PARD3B: variants seen among roughly 807,000 people sequenced by gnomAD.
PARD3B encodes the protein partitioning defective 3 homolog B.
A neutral mutation model predicts 130.2 loss-of-function variants in PARD3B; 103 were observed. The ratio of observed to expected loss-of-function variants is 0.79; its 90% CI spans 0.67 to 0.93. The LOEUF is 0.93. Among genes scored for constraint, PARD3B ranks in the 40% least tolerant of loss-of-function variants. The pLI, the probability that PARD3B is intolerant of heterozygous loss-of-function variation, is 0.00. For synonymous variants in PARD3B, 583 were observed against 553.2 expected (o/e 1.05, Z -0.76); for missense variants, 1,609 against 1,499.2 (o/e 1.07, Z -1.21).
At chr2:204,904,563 A>C (rs1305120624) in intron 2 of PARD3B, among the ~76,000 whole-genome samples, 1 of 152,192 alleles carries the variant, frequency 6.6e-6, no homozygotes, top group Non-Finnish European at 1.5e-5. Flanking sequence ...ATTAAAAATG[A>C]AAAAAATTAA....
chr2:205,612,622 A>G (rs1302095439), intron 22 of PARD3B, among the ~76,000 whole-genome samples: 1 of 152,186 alleles, frequency 6.6e-6, no homozygotes, highest in African/African-American at 2.4e-5. Flanking sequence ...AACCTTAAAC[A>G]GTGTTTTAGT....
intron 3 of PARD3B, among the ~76,000 whole-genome samples, chr2:205,017,172 G>C (rs561348751): frequency 6.6e-6 from 1 of 152,008 alleles, no homozygotes; most frequent in Non-Finnish European, 1.5e-5. Flanking sequence ...GTGAAGGAGT[G>C]TCTGGCCTGT....
chr2:205,214,529 C>T (rs1361108912), intron 15 of PARD3B, among the ~76,000 whole-genome samples: 1 of 151,336 alleles, frequency 6.6e-6, no homozygotes, highest in Non-Finnish European at 1.5e-5. Context: ...AGACAATTGA[C>T]TCAAAATAAA....
chr2:205,446,764 A>G lies in PARD3B; in HGVS notation c.3044+6092A>G, dbSNP rs1012745952. Among the ~76,000 whole-genome samples the G allele has an allele frequency of 6.6e-6, 1 of 152,210 alleles. No homozygotes were observed. Among genetic ancestry groups the G allele is most frequent in the Non-Finnish European group, 1.5e-5 (1 of 68,032 alleles). ...GGTTCTTCCAGGATTTGAACGTAGC[A>G]TGGGTTAAATCCTGCCCTCAAAGCC... On this transcript the variant is annotated intron_variant, in intron 20 of 22. Transcript: ENST00000406610. This position sits in a 1 kb window ranked among gnomAD's most constrained non-coding sequence, Gnocchi z 4.4.
At chr2:204,561,505 G>C (rs970843431) in intron 1 of PARD3B, among the ~76,000 whole-genome samples, 1 of 152,084 alleles carries the variant, frequency 6.6e-6, no homozygotes, top group Non-Finnish European at 1.5e-5. Flanking sequence ...AAGAGGGTGG[G>C]CAGCTCCATT....
At chr2:205,542,175 T>TAAAAAAAA (rs2052176207) in intron 21 of PARD3B, among the ~76,000 whole-genome samples, 1 of 93,394 alleles carries the variant, frequency 1.1e-5, no homozygotes, top group Admixed American at 1.1e-4. Flanking sequence ...AAAAAAAAAG[T>TAAAAAAAA]ATATGTTTGG....
At chr2:205,307,175 C>T (rs534830324) in intron 18 of PARD3B, among the ~76,000 whole-genome samples, 7 of 152,308 alleles carry the variant, frequency 4.6e-5, no homozygotes, top group African/African-American at 1.7e-4. Context: ...TAAGTGTTTG[C>T]ACTTTTCTGA....
chr2:204,618,760 A>G (rs1574560004), intron 1 of PARD3B, among the ~76,000 whole-genome samples: 1 of 152,188 alleles, frequency 6.6e-6, no homozygotes, highest in Non-Finnish European at 1.5e-5. Context: ...CAGAGAAGAA[A>G]GGAAAAGTAG....
chr2:204,715,648 A>T (rs2038685114), intron 2 of PARD3B, among the ~76,000 whole-genome samples: 2 of 152,114 alleles, frequency 1.3e-5, no homozygotes, highest in African/African-American at 4.8e-5. Context: ...GAAATTTGCA[A>T]GGAGTCTTAG....
chr2:205,422,516 G>T (rs1284116131), intron 19 of PARD3B, among the ~76,000 whole-genome samples: 1 of 152,132 alleles, frequency 6.6e-6, no homozygotes, highest in East Asian at 1.9e-4. Context: ...CCTTACTGTG[G>T]TTACATAGAG....
chr2:205,249,175 A>ATT lies in PARD3B; in HGVS notation c.2185+3367_2185+3368dup, dbSNP rs10707307. ...CAGGCATGTGTGTGGTGCCCGGCTA[A>ATT]TTTTTTTTTTTTTTTGTATTTTTTT... On this transcript the variant is annotated intron_variant, in intron 16 of 22. Coordinates refer to ENST00000406610, the MANE Select transcript of PARD3B (RefSeq NM_001302769.2). Among the ~76,000 whole-genome samples, 1,192 of 136,786 alleles carry ATT rather than the reference A, an allele frequency of 8.7e-3. 6 individuals are homozygous for ATT. Among genetic ancestry groups the ATT allele is most frequent in the Middle Eastern group, 0.023 (6 of 262 alleles). The allele number at this position is 136,786 out of a possible 152,430, so 89.7% of individuals were successfully genotyped here. A position where few individuals can be genotyped will look rare whatever the true frequency, so the allele number is the denominator to read the frequency against.
intron 2 of PARD3B, among the ~76,000 whole-genome samples, chr2:204,837,654 CAGTA>C (rs1171235723): frequency 2.0e-5 from 3 of 151,986 alleles, no homozygotes; most frequent in Non-Finnish European, 1.5e-5. Flanking sequence ...ATTTGGTTCT[CAGTA>C]AGTTTGTAAA....
At chr2:204,827,490 T>C (rs751476134) in intron 2 of PARD3B, among the ~76,000 whole-genome samples, 1 of 152,226 alleles carries the variant, frequency 6.6e-6, no homozygotes, top group Non-Finnish European at 1.5e-5. Context: ...GCCTTCTCTT[T>C]TGTTAATGAA....
At chr2:204,879,735 T>C (rs1212817485) in intron 2 of PARD3B, among the ~76,000 whole-genome samples, 1 of 152,200 alleles carries the variant, frequency 6.6e-6, no homozygotes, top group Non-Finnish European at 1.5e-5. Context: ...CTTAAAAGAT[T>C]GGGGAATTGA....
intron 1 of PARD3B, among the ~76,000 whole-genome samples, chr2:204,659,685 T>C (rs944368186): frequency 2.6e-5 from 4 of 152,200 alleles, no homozygotes; most frequent in African/African-American, 9.6e-5. Context: ...AAAACACTTC[T>C]GTATGTCAGG....
chr2:204,909,567 T>G (rs553382700), intron 2 of PARD3B, among the ~76,000 whole-genome samples: 2 of 152,290 alleles, frequency 1.3e-5, no homozygotes, highest in South Asian at 4.1e-4. Flanking sequence ...TTCCTACTTC[T>G]TAGCTCTGTG....
intron 3 of PARD3B, among the ~76,000 whole-genome samples, chr2:205,038,931 G>A (rs1028307528): frequency 3.3e-5 from 5 of 152,040 alleles, no homozygotes; most frequent in Non-Finnish European, 5.9e-5. Flanking sequence ...TGTGGTTTTC[G>A]CATCACAGTA....
At chr2:204,594,149 T>C (rs1375746412) in intron 1 of PARD3B, among the ~76,000 whole-genome samples, 8 of 152,292 alleles carry the variant, frequency 5.3e-5, no homozygotes, top group African/African-American at 7.2e-5. Flanking sequence ...GTTATCTTCA[T>C]TGATACTTGG....
intron 1 of PARD3B, among the ~76,000 whole-genome samples, chr2:204,633,774 T>C (rs1380090289): frequency 6.6e-6 from 1 of 152,062 alleles, no homozygotes; most frequent in Non-Finnish European, 1.5e-5. Context: ...ATCATGCCAC[T>C]CCCCTCCAGC....
Sources: gnomAD v4.1 joint callset for allele counts (sites outside exome capture counted in the v4.1 genomes callset) on GRCh38, gnomAD v4.1.1 for gene constraint, Gnocchi (gnomAD v3.1) non-coding constraint, MANE v1.5 for transcripts, NCBI Gene and HGNC (gene_info 2026-07-23, HGNC 2026-07-21) for gene names.